LRRC4C: variants seen among roughly 807,000 people sequenced by gnomAD.
LRRC4C encodes leucine rich repeat containing 4C.
In LRRC4C, 5 loss-of-function variants were observed where a neutral mutation model predicts 33.6. The ratio of observed to expected loss-of-function variants is 0.15; its 90% confidence interval spans 0.08 to 0.31. The LOEUF is 0.31. LRRC4C is among the 10% of genes least tolerant of loss of function. LRRC4C has a pLI of 1.00. For missense variants in LRRC4C, 560 were observed against 796.7 expected (o/e 0.70, Z 3.58); for synonymous variants, 329 against 302.0 (o/e 1.09, Z -0.93).
chr11:41,218,320 G>A (rs1947152759), intron 1 of LRRC4C, among the ~76,000 whole-genome samples: 1 of 152,106 alleles, frequency 6.6e-6, no homozygotes, highest in African/African-American at 2.4e-5. Flanking sequence ...CATATCTATG[G>A]TTTACTGGGG....
chr11:40,990,391 C>T (rs1432411651), intron 1 of LRRC4C, among the ~76,000 whole-genome samples: 3 of 151,130 alleles, frequency 2.0e-5, no homozygotes, highest in Non-Finnish European at 4.4e-5. Flanking sequence ...TTATGCTTGG[C>T]CCCATTTTAT....
intron 3 of LRRC4C, among the ~76,000 whole-genome samples, chr11:40,633,371 T>TTCTTTTTCTTTCTC (rs745929705): frequency 4.2e-5 from 4 of 96,308 alleles, no homozygotes; most frequent in African/African-American, 1.4e-4. Flanking sequence ...CTTTCTTTCT[T>TTCTTTTTCTTTCTC]TCTCTCTCTT....
Position 40,858,026 on chromosome 11 carries a change from G to T in LRRC4C, c.-407+75609C>A, listed in dbSNP as rs569186895. On this transcript the variant is annotated intron_variant, in intron 2 of 6. Transcript: ENST00000528697. ...GACAGGGACAAGGAAAGGAAGGGAA[G>T]GGAAGGGAAGGGAAGGGAAGGGAAG... Among the ~76,000 whole-genome samples, 613 of 131,040 alleles carry T rather than the reference G, an allele frequency of 4.7e-3. 4 individuals carry two copies. The highest frequency in any genetic ancestry group is 7.4e-3 in the Non-Finnish European group (456 of 61,728). The allele number at this position is 131,040 out of a possible 152,430, so 86.0% of individuals were successfully genotyped here.
intron 1 of LRRC4C, among the ~76,000 whole-genome samples, chr11:41,210,320 T>G (rs1946770598): frequency 2.0e-5 from 3 of 151,968 alleles, no homozygotes; most frequent in African/African-American, 7.3e-5. Flanking sequence ...ATGGGGGCGG[T>G]TTTCCCCATA....
At chr11:40,313,664 T>C (rs949493479) in intron 4 of LRRC4C, among the ~76,000 whole-genome samples, 6 of 143,630 alleles carry the variant, frequency 4.2e-5, no homozygotes, top group Non-Finnish European at 7.5e-5. Context: ...CTGGAGTGTA[T>C]TGGCGCAATC....
intron 2 of LRRC4C, among the ~76,000 whole-genome samples, chr11:40,799,453 A>C (rs560155873): frequency 6.6e-6 from 1 of 152,336 alleles, no homozygotes; most frequent in South Asian, 2.1e-4. Flanking sequence ...CCTTGCAGTC[A>C]CATTAACCTA....
At chr11:41,360,715 A>T (rs1240860378) in intron 1 of LRRC4C, among the ~76,000 whole-genome samples, 2 of 152,194 alleles carry the variant, frequency 1.3e-5, no homozygotes, top group Non-Finnish European at 2.9e-5. Flanking sequence ...AAAGGAATTT[A>T]AACAAAAGAA....
intron 1 of LRRC4C, among the ~76,000 whole-genome samples, chr11:41,390,030 T>C (rs1320619081): frequency 6.6e-6 from 1 of 151,918 alleles, no homozygotes; most frequent in Non-Finnish European, 1.5e-5. Context: ...TCTCTTCTGT[T>C]TTTATCCTGT....
chr11:40,532,118 GAGA>G, intron 3 of LRRC4C, among the ~76,000 whole-genome samples: 1 of 150,648 alleles, frequency 6.6e-6, no homozygotes, highest in Non-Finnish European at 1.5e-5. Flanking sequence ...CTGAAGCTTG[GAGA>G]AGTTTTGGAA....
intron 5 of LRRC4C, among the ~76,000 whole-genome samples, chr11:40,213,549 A>G (rs193090409): frequency 6.6e-6 from 1 of 152,264 alleles, no homozygotes; most frequent in Non-Finnish European, 1.5e-5. Flanking sequence ...TAGTAGCCAA[A>G]ACAAAGGAAC....
intron 1 of LRRC4C, among the ~76,000 whole-genome samples, chr11:41,315,769 C>T (rs1461623710): frequency 1.3e-5 from 2 of 152,118 alleles, no homozygotes; most frequent in African/African-American, 2.4e-5. Flanking sequence ...AGATAGCTGA[C>T]ATGAGAAAAC....
At position 40,463,703 on chromosome 11, in the gene LRRC4C, T is replaced by C. The variant is rs1952518288; in HGVS notation, c.-269-143982A>G. Among the ~76,000 whole-genome samples, 4 of 152,220 alleles carry C rather than the reference T, an allele frequency of 2.6e-5. No homozygotes were observed. The South Asian group carries it at 8.3e-4, about 32-fold the overall frequency. On this transcript the variant is annotated intron_variant, in intron 3 of 6. Coordinates refer to ENST00000528697, the MANE Select transcript of LRRC4C (RefSeq NM_001258419.2). ...AAATGCTCAATGAACAAAGAGTTAC[T>C]TGTTCAAATGCATTAGAGCCACCAC...
intron 1 of LRRC4C, among the ~76,000 whole-genome samples, chr11:41,281,524 A>G (rs936257208): frequency 2.6e-5 from 4 of 152,226 alleles, no homozygotes; most frequent in Non-Finnish European, 2.9e-5. Flanking sequence ...TGGCATGATT[A>G]TGTCAGAGAA....
intron 1 of LRRC4C, among the ~76,000 whole-genome samples, chr11:41,279,058 C>T (rs777327331): frequency 6.8e-4 from 103 of 152,216 alleles, no homozygotes; most frequent in Admixed American, 2.3e-3. Context: ...AAACATGTGG[C>T]ATTTGGTTTT....
At chr11:40,548,008 C>A (rs1332351465) in intron 3 of LRRC4C, among the ~76,000 whole-genome samples, 10 of 151,922 alleles carry the variant, frequency 6.6e-5, no homozygotes, top group Non-Finnish European at 1.5e-5. Flanking sequence ...GCAATAAACA[C>A]GGAGAATCAG....
intron 2 of LRRC4C, among the ~76,000 whole-genome samples, chr11:40,924,234 TGGA>T (rs533632440): frequency 3.2e-3 from 486 of 151,780 alleles, no homozygotes; most frequent in Non-Finnish European, 5.3e-3. Flanking sequence ...GTTGAGAGTA[TGGA>T]GTAAGGTGAG....
chr11:40,445,185 A>T, intron 3 of LRRC4C: 1 of 152,296 alleles, frequency 6.6e-6, no homozygotes, highest in South Asian at 2.1e-4. Context: ...AAAATAGCAG[A>T]CTGAGAAATG....
chr11:40,497,465 T>C (rs985368968), intron 3 of LRRC4C, among the ~76,000 whole-genome samples: 1 of 152,178 alleles, frequency 6.6e-6, no homozygotes, highest in Non-Finnish European at 1.5e-5. Flanking sequence ...CACATCGTTT[T>C]CATGGATATA....
intron 3 of LRRC4C, among the ~76,000 whole-genome samples, chr11:40,320,817 G>A (rs999436595): frequency 3.9e-5 from 6 of 152,098 alleles, no homozygotes; most frequent in Non-Finnish European, 8.8e-5. Flanking sequence ...GAATGATCAG[G>A]AAGATTTTGT....
Sources: allele counts gnomAD v4.1 joint callset (sites outside exome capture counted in the v4.1 genomes callset), GRCh38; gene constraint gnomAD v4.1.1; transcripts MANE v1.5; gene names NCBI Gene and HGNC (gene_info 2026-07-23, HGNC 2026-07-21).